HYDIN: variants seen among roughly 807,000 people sequenced by gnomAD.
The protein encoded by HYDIN is axonemal central pair apparatus protein HYDIN.
HYDIN carries 132 observed loss-of-function variants against 403.9 expected under a neutral mutation model. The ratio of observed to expected loss-of-function variants is 0.33; its 90% confidence interval spans 0.28 to 0.38. HYDIN has a LOEUF of 0.38. HYDIN is among the 10% of genes least tolerant of loss of function. The pLI, the probability that HYDIN is intolerant of heterozygous loss-of-function variation, is 1.00. For missense variants in HYDIN, 2,827 were observed against 5,009.5 expected (o/e 0.56, Z 13.15); for synonymous variants, 1,202 against 1,891.7 (o/e 0.64, Z 9.46).
intron 9 of HYDIN, among the ~76,000 whole-genome samples, chr16:71,119,749 A>C (rs2084184692): frequency 6.7e-6 from 1 of 149,872 alleles, no homozygotes; most frequent in South Asian, 2.1e-4. Flanking sequence ...TTTAAGTAAA[A>C]GAGAAAGAAC....
At chr16:71,067,764 T>TATACTAGTAAAAC (rs2144296873) in intron 14 of HYDIN, among the ~76,000 whole-genome samples, 1 of 152,288 alleles carries the variant, frequency 6.6e-6, no homozygotes, top group East Asian at 1.9e-4. Context: ...GAAAATGTAA[T>TATACTAGTAAAAC]ATACTAGTAA....
At chr16:71,133,624 C>T (rs1356566334) in intron 8 of HYDIN, among the ~76,000 whole-genome samples, 4 of 152,222 alleles carry the variant, frequency 2.6e-5, no homozygotes, top group Non-Finnish European at 5.9e-5. Flanking sequence ...AGAATTAGAG[C>T]TGGCTGCTAT....
At chr16:71,113,710 T>C (rs1322653040) in intron 10 of HYDIN, 1 of 151,796 alleles carries the variant, frequency 6.6e-6, no homozygotes, top group Admixed American at 6.6e-5. Context: ...CCTCCCACTT[T>C]GGCCTACTGA....
chr16:70,942,481 G>A (rs924076916), intron 42 of HYDIN, among the ~76,000 whole-genome samples: 2 of 152,200 alleles, frequency 1.3e-5, no homozygotes, highest in Non-Finnish European at 2.9e-5. Context: ...CAGGCAGCAG[G>A]GGGAGCAGCT....
chr16:70,981,228 G>A (rs11642091), intron 29 of HYDIN, among the ~76,000 whole-genome samples, 163 bp downstream of exon 29: 4 of 152,320 alleles, frequency 2.6e-5, no homozygotes, highest in African/African-American at 7.2e-5. Flanking sequence ...ATTTCTTGTC[G>A]CAGTAAACTC....
intron 1 of HYDIN, among the ~76,000 whole-genome samples, chr16:71,222,581 C>T (rs1157092155): frequency 2.6e-5 from 4 of 151,940 alleles, no homozygotes; most frequent in Non-Finnish European, 5.9e-5. Context: ...ACCTAGGAAA[C>T]CCTAAAGACT....
chr16:70,835,275 C>T (rs986154281), intron 78 of HYDIN, among the ~76,000 whole-genome samples: 2 of 151,900 alleles, frequency 1.3e-5, no homozygotes, highest in South Asian at 2.1e-4. Context: ...GGATTACAGG[C>T]GTGAGCCACT....
chr16:71,150,822 T>C (rs2085509192), intron 7 of HYDIN, among the ~76,000 whole-genome samples: 1 of 152,166 alleles, frequency 6.6e-6, no homozygotes, highest in Non-Finnish European at 1.5e-5. Context: ...GACAAATGAC[T>C]AGTATTTAGA....
chr16:70,942,898 A>G (rs969890725), intron 42 of HYDIN, among the ~76,000 whole-genome samples: 2 of 152,192 alleles, frequency 1.3e-5, no homozygotes, highest in African/African-American at 4.8e-5. Flanking sequence ...TGGGTATCTA[A>G]AACATTGGCA....
At chr16:70,834,296 C>G in intron 78 of HYDIN, 132 bp from the exon 79 acceptor site, 1 of 595,906 alleles carries the variant, frequency 1.7e-6, no homozygotes, top group Non-Finnish European at 3.0e-6. Context: ...GCTGTGTATG[C>G]TTTGGTAAAT....
chr16:70,810,056 A>G (rs907258778), intron 84 of HYDIN, 49 bp from the exon 85 acceptor site: 9 of 1,547,682 alleles, frequency 5.8e-6, no homozygotes, highest in East Asian at 2.2e-5. Context: ...CTAATTCATC[A>G]CCTGCCACCT....
In HYDIN at chr16:71,030,459, G is replaced by T. The variant is rs1479865701; in HGVS notation, c.2768+1220C>A. Among the ~76,000 whole-genome samples, 7 of 148,938 alleles carry T rather than the reference G, an allele frequency of 4.7e-5. No homozygotes were observed. The East Asian group carries it at 7.9e-4, about 17-fold the overall frequency. ...TCTTTTTTTTTTTTTTTAAGACAGGGTCTCACTCTGTCACCCAGGCTGGAG... is the reference window on the plus strand; with the variant it reads ...TCTTTTTTTTTTTTTTTAAGACAGGTTCTCACTCTGTCACCCAGGCTGGAG... On this transcript the variant is annotated intron_variant, in intron 19 of 85. Transcript: ENST00000393567.
chr16:71,179,768 A>C (rs1597964132), intron 3 of HYDIN, among the ~76,000 whole-genome samples: 1 of 152,324 alleles, frequency 6.6e-6, no homozygotes, highest in East Asian at 1.9e-4. Flanking sequence ...GTATGACATC[A>C]TCAAAGTGAA....
chr16:71,184,805 TG>T, intron 3 of HYDIN, 59 bp downstream of exon 3: 1 of 1,450,222 alleles, frequency 6.9e-7, no homozygotes, highest in Non-Finnish European at 9.3e-7. Flanking sequence ...CTTATTGTTC[TG>T]GAATTTTGGT....
intron 78 of HYDIN, among the ~76,000 whole-genome samples, chr16:70,834,487 A>G (rs1239091291): frequency 2.0e-5 from 3 of 152,056 alleles, no homozygotes; most frequent in African/African-American, 7.3e-5. Flanking sequence ...GGGAAATAAC[A>G]AACAGTTAGA....
rs201119568 is a variant in HYDIN, at chr16:70,908,794, A to C, written c.8072T>G (p.Val2691Gly). The C allele has an allele frequency of 8.2e-5, 132 of 1,614,146 alleles. No homozygotes were observed. Among genetic ancestry groups the C allele is most frequent in the Non-Finnish European group, 5.9e-6 (7 of 1,180,026 alleles). ...ACGCTTGTCTTTCTGAATCTCGAAG[A>C]CTTGGTCTATCTTTTCTTTCATTTT... Reference protein sequence around the residue: ...KQKMKEKIDQVFEIQKDKRHM... With the variant: ...KQKMKEKIDQGFEIQKDKRHM... The change falls in exon 48 of 86, where the codon GTC (valine) becomes GGC (glycine). Residue 2691 changes from valine (V) to glycine (G), a missense_variant. Physicochemically the swap from Val to Gly is moderately radical, Grantham distance 109. Transcript: ENST00000393567.
chr16:71,059,847 C>G (rs1393265493), intron 18 of HYDIN, among the ~76,000 whole-genome samples: 1 of 152,134 alleles, frequency 6.6e-6, no homozygotes, highest in African/African-American at 2.4e-5. Context: ...CTAATCCTCA[C>G]ATTGTTCAAG....
intron 1 of HYDIN, among the ~76,000 whole-genome samples, chr16:71,192,697 C>T (rs1052050936): frequency 1.1e-4 from 16 of 152,174 alleles, no homozygotes; most frequent in African/African-American, 3.4e-4. Flanking sequence ...CACAGGTCCT[C>T]GTGCTCACTC....
At chr16:71,027,215 G>C in intron 20 of HYDIN, 2 of 1,119,772 alleles carry the variant, frequency 1.8e-6, no homozygotes, top group South Asian at 4.5e-5. Context: ...CCCAATACCT[G>C]AATAGGAGAG....
Sources: allele counts gnomAD v4.1 joint callset (sites outside exome capture counted in the v4.1 genomes callset), GRCh38; gene constraint gnomAD v4.1.1; transcripts MANE v1.5; gene names NCBI Gene and HGNC (gene_info 2026-07-23, HGNC 2026-07-21).